Variants in FBXL20 observed in about 807,000 individuals in gnomAD.
The protein encoded by FBXL20 is F-box and leucine rich repeat protein 20, also known as F-box/LRR-repeat protein 20.
In FBXL20, 11 loss-of-function variants were observed where a neutral mutation model predicts 64.0. The observed-to-expected ratio is 0.17, with a 90% confidence interval of 0.11 to 0.28. FBXL20 has a LOEUF of 0.28. Among genes scored for constraint, FBXL20 ranks in the 10% least tolerant of loss-of-function variants. The pLI is 1.00. For missense variants in FBXL20, 303 were observed against 526.2 expected (o/e 0.58, Z 4.15); for synonymous variants, 184 against 189.0 (o/e 0.97, Z 0.22).
intron 1 of FBXL20, among the ~76,000 whole-genome samples, chr17:39,394,851 G>C (rs893156888): frequency 5.3e-5 from 8 of 152,226 alleles, no homozygotes; most frequent in East Asian, 1.9e-4. Context: ...GAGCCACTGT[G>C]CCTGGCCAGA....
intron 1 of FBXL20, among the ~76,000 whole-genome samples, chr17:39,386,909 T>C (rs2048086780): frequency 6.6e-6 from 1 of 152,214 alleles, no homozygotes; most frequent in South Asian, 2.1e-4. Flanking sequence ...ATACTGTTTC[T>C]AGTAATACTG....
chr17:39,386,718 C>CA (rs1397042577), intron 1 of FBXL20, among the ~76,000 whole-genome samples: 2 of 152,280 alleles, frequency 1.3e-5, no homozygotes, highest in East Asian at 3.9e-4. Flanking sequence ...TAAATACCTA[C>CA]AAGTACTATG....
rs1390845584 is a variant in FBXL20, at chr17:39,401,410, G to A, written c.-8C>T. On this transcript the variant is annotated 5_prime_UTR_variant, in exon 1 of 15. Transcript: ENST00000264658. ...GTTCACGTCCCTCCTCATGGGGCCG[G>A]CGGGTGCGGCCCGGGCCGGGCGCTG... 2 of 1,600,712 alleles carry A rather than the reference G, an allele frequency of 1.2e-6. No individual in the cohort carries two copies. Among genetic ancestry groups the A allele is most frequent in the Non-Finnish European group, 1.7e-6 (2 of 1,174,644 alleles).
intron 1 of FBXL20, among the ~76,000 whole-genome samples, chr17:39,357,797 T>C (rs925456855): frequency 1.3e-5 from 2 of 152,228 alleles, no homozygotes; most frequent in African/African-American, 4.8e-5. Context: ...TCTGCTCTTC[T>C]TTTTCTTCAA....
At chr17:39,292,632 C>CT (rs961844093) in intron 6 of FBXL20, among the ~76,000 whole-genome samples, 13 of 122,360 alleles carry the variant, frequency 1.1e-4, no homozygotes, top group Middle Eastern at 3.8e-3. Flanking sequence ...CTTTTCTTTT[C>CT]TTTTTTTTGA....
At chr17:39,363,810 C>CAAAAAAAAAACAAAAAAAAAA (rs2047823840) in intron 1 of FBXL20, among the ~76,000 whole-genome samples, 1 of 26,676 alleles carries the variant, frequency 3.7e-5, no homozygotes, top group African/African-American at 2.4e-4. Flanking sequence ...GACTTTATCT[C>CAAAAAAAAAACAAAAAAAAAA]AAAAAAAAAA....
chr17:39,264,295 C>T lies in FBXL20; in HGVS notation c.1083G>A (p.Leu361=), dbSNP rs1044610136. Reference sequence around the variant, plus strand: ...CATCTGTGATTAGTGGGCAGTTGTCCAGCTCAATCACCTCCAGCTGGTCAT... The same window carrying T: ...CATCTGTGATTAGTGGGCAGTTGTCTAGCTCAATCACCTCCAGCTGGTCAT... ...CAHDQLEVIE[L]DNCPLITDAS... The change falls in exon 14 of 15, where the codon CTG becomes CTA. Residue 361 remains leucine (L), a synonymous_variant. Transcript: ENST00000264658. 1.2e-6 allele frequency: 2 copies of T among 1,614,046 alleles called. No homozygotes were observed. The highest frequency in any genetic ancestry group is 3.3e-5 in the Admixed American group (2 of 59,994).
intron 2 of FBXL20, among the ~76,000 whole-genome samples, chr17:39,335,215 G>A (rs1285825186): frequency 6.6e-6 from 1 of 152,090 alleles, no homozygotes; most frequent in Non-Finnish European, 1.5e-5. Flanking sequence ...AACTGTCTTT[G>A]TTTCTTGCTT....
At chr17:39,399,838 T>G (rs1261768013) in intron 1 of FBXL20, among the ~76,000 whole-genome samples, 1 of 152,160 alleles carries the variant, frequency 6.6e-6, no homozygotes, top group African/African-American at 2.4e-5. Context: ...AGAGAATACT[T>G]TCCAAAAATT....
intron 1 of FBXL20, among the ~76,000 whole-genome samples, chr17:39,354,919 C>T (rs1277344818): frequency 6.6e-6 from 1 of 151,458 alleles, no homozygotes; most frequent in Non-Finnish European, 1.5e-5. Context: ...CATAAAATTT[C>T]TTGGTTTTTT....
At chr17:39,338,066 G>T (rs1274468666) in intron 2 of FBXL20, among the ~76,000 whole-genome samples, 1 of 152,336 alleles carries the variant, frequency 6.6e-6, no homozygotes, top group South Asian at 2.1e-4. Context: ...AACGGGCCAT[G>T]ATGACAATGG....
intron 1 of FBXL20, among the ~76,000 whole-genome samples, chr17:39,378,901 G>GCGCC (rs774199879): frequency 3.4e-5 from 5 of 148,352 alleles, no homozygotes; most frequent in Non-Finnish European, 6.0e-5. Context: ...GTGAGCCACC[G>GCGCC]CGCCCGGCCA....
At chr17:39,327,339 T>C (rs2047418483) in intron 2 of FBXL20, among the ~76,000 whole-genome samples, 1 of 152,186 alleles carries the variant, frequency 6.6e-6, no homozygotes. Context: ...TTAGATTTTC[T>C]TCACAGTGAT....
intron 2 of FBXL20, among the ~76,000 whole-genome samples, chr17:39,333,217 C>T (rs914929638): frequency 2.7e-4 from 41 of 152,298 alleles, no homozygotes; most frequent in African/African-American, 7.7e-4. Flanking sequence ...ACTGTACTGC[C>T]GCCATCTCGA....
chr17:39,402,515 T>G (rs1332379724), upstream of FBXL20: 1 of 206,456 alleles, frequency 4.8e-6, no homozygotes, highest in Non-Finnish European at 9.5e-6. Context: ...GGGCAACCCT[T>G]CCTTTGGCCG....
upstream of FBXL20, chr17:39,402,231 T>C: frequency 8.1e-7 from 1 of 1,232,154 alleles, no homozygotes; most frequent in South Asian, 4.1e-5. Flanking sequence ...TTTCCTCCTC[T>C]TCTGGATGTG....
rs2046678659 is a variant in FBXL20 at position 39,254,625 on chromosome 17, A to C, written c.*6835T>G. 3 of 154,550 alleles carry C rather than the reference A, an allele frequency of 1.9e-5. No individual in the cohort carries two copies. Among genetic ancestry groups the C allele is most frequent in the South Asian group, 2.0e-4 (1 of 4,912 alleles). The allele number at this position is 154,550 out of a possible 1,614,324, so 9.6% of individuals were successfully genotyped here. The stretch of plus-strand genomic sequence containing the variant: ...GTAGAAAGTAGGAGCCCTCTTTGCC[A>C]GTAAAAAGGGGTGCAGTTGATCAGA... On this transcript the variant is annotated 3_prime_UTR_variant, in exon 15 of 15. Coordinates refer to ENST00000264658, the MANE Select transcript of FBXL20 (RefSeq NM_032875.3).
At chr17:39,367,603 C>T (rs932859194) in intron 1 of FBXL20, among the ~76,000 whole-genome samples, 1 of 152,064 alleles carries the variant, frequency 6.6e-6, no homozygotes. Flanking sequence ...AGGCATGAGC[C>T]ACCATACCCA....
chr17:39,263,452 T>C (rs1246666985), intron 14 of FBXL20, among the ~76,000 whole-genome samples: 1 of 151,934 alleles, frequency 6.6e-6, no homozygotes, highest in Non-Finnish European at 1.5e-5. Context: ...GAGACAGAGG[T>C]TGCAGTGAGC....
Sources: allele counts gnomAD v4.1 joint callset (sites outside exome capture counted in the v4.1 genomes callset), GRCh38; gene constraint gnomAD v4.1.1; transcripts MANE v1.5; gene names NCBI Gene and HGNC (gene_info 2026-07-23, HGNC 2026-07-21).